The following TANC2 variants were observed in gnomAD, a reference collection of about 807,000 sequenced individuals.
TANC2 encodes protein TANC2.
In TANC2, 26 loss-of-function variants were observed where a neutral mutation model predicts 210.5. The ratio of observed to expected loss-of-function variants is 0.12; its 90% CI spans 0.09 to 0.17. TANC2 has a LOEUF of 0.17. TANC2 is among the 10% of genes least tolerant of loss of function. The pLI is 1.00. For synonymous variants in TANC2, 931 were observed against 967.1 expected (o/e 0.96, Z 0.69); for missense variants, 2,129 against 2,608.9 (o/e 0.82, Z 4.01).
intron 8 of TANC2, among the ~76,000 whole-genome samples, chr17:63,265,883 G>T (rs1178023282): frequency 6.6e-6 from 1 of 152,018 alleles, no homozygotes; most frequent in African/African-American, 2.4e-5. Flanking sequence ...CACATTACAG[G>T]TGTTTAATAA....
rs2042727255 is a variant in TANC2 at position 63,239,902 on chromosome 17, C to CA, written c.1033+1828dup. On this transcript the variant is annotated intron_variant, in intron 8 of 27. Transcript: ENST00000689528. ...AGGGGGAACAAGCACCTCACATGACCAAAGCAGGAGGAAGAGCAGGAGGAG... is the reference window on the plus strand; with the variant it reads ...AGGGGGAACAAGCACCTCACATGACCAAAAGCAGGAGGAAGAGCAGGAGGAG... Among the ~76,000 whole-genome samples the CA allele has an allele frequency of 2.6e-5, 4 of 152,016 alleles. No individual in the cohort carries two copies. The South Asian group carries it at 8.3e-4, about 32-fold the overall frequency.
At chr17:63,301,378 G>A (rs2044707311) in intron 9 of TANC2, among the ~76,000 whole-genome samples, 1 of 152,116 alleles carries the variant, frequency 6.6e-6, no homozygotes, top group South Asian at 2.1e-4. Context: ...TGTACCTCTG[G>A]TAGAATTCGG....
intron 2 of TANC2, among the ~76,000 whole-genome samples, chr17:63,042,636 G>C (rs552538277): frequency 6.6e-6 from 1 of 152,178 alleles, no homozygotes; most frequent in South Asian, 2.1e-4. Context: ...GAAAACAAAA[G>C]GCTTTACATT....
intron 2 of TANC2, among the ~76,000 whole-genome samples, chr17:63,070,366 T>C (rs1370987599): frequency 1.3e-5 from 2 of 152,174 alleles, no homozygotes; most frequent in Non-Finnish European, 2.9e-5. Context: ...TTGGGAATTT[T>C]ACATTTTACT....
At chr17:63,417,212 C>G (rs2048890969) in intron 26 of TANC2, among the ~76,000 whole-genome samples, 1 of 152,106 alleles carries the variant, frequency 6.6e-6, no homozygotes, top group Admixed American at 6.5e-5. Flanking sequence ...TAGAGGATTT[C>G]CCATCAACTT....
At chr17:63,084,463 A>C (rs751943786) in intron 3 of TANC2, among the ~76,000 whole-genome samples, 16 of 150,318 alleles carry the variant, frequency 1.1e-4, no homozygotes, top group Admixed American at 3.3e-4. Context: ...GGTTTTGTTG[A>C]TTTTTCTCTA....
At chr17:63,018,869 T>C (rs554465658) in intron 2 of TANC2, among the ~76,000 whole-genome samples, 1 of 152,336 alleles carries the variant, frequency 6.6e-6, no homozygotes, top group South Asian at 2.1e-4. Context: ...TCATCCAGGT[T>C]GTCGTGTATC....
Position 63,418,468 on chromosome 17 carries a change from AGCGTCG to A in TANC2, c.4268+64_4268+69del. 1 of 1,482,132 alleles carries A rather than the reference AGCGTCG, an allele frequency of 6.7e-7. No homozygotes were observed. Among genetic ancestry groups the A allele is most frequent in the Non-Finnish European group, 9.2e-7 (1 of 1,084,068 alleles). 91.8% of individuals were successfully genotyped at this position (1,482,132 alleles called of 1,614,324 possible). ...TCTTTTCTGAAAATTTGGCCAAGGC[AGCGTCG>A]GCCACCCTGGGGCATATGTACCCAA... On this transcript the variant is annotated intron_variant, in intron 27 of 27. Transcript: ENST00000689528. The surrounding 1 kb of genome is among the most constrained non-coding windows in gnomAD (Gnocchi z 4.6).
chr17:63,214,222 G>A (rs1432451687), intron 7 of TANC2, among the ~76,000 whole-genome samples: 1 of 152,150 alleles, frequency 6.6e-6, no homozygotes, highest in Non-Finnish European at 1.5e-5. Flanking sequence ...AGAAGTCCAG[G>A]GACAGAGGAG....
At chr17:63,062,553 C>T (rs1182000949) in intron 2 of TANC2, among the ~76,000 whole-genome samples, 1 of 152,116 alleles carries the variant, frequency 6.6e-6, no homozygotes, top group African/African-American at 2.4e-5. Context: ...CTTTCATTGT[C>T]AGCTGGTGTT....
At chr17:63,027,948 C>A (rs917636113) in intron 2 of TANC2, among the ~76,000 whole-genome samples, 1 of 151,854 alleles carries the variant, frequency 6.6e-6, no homozygotes, top group African/African-American at 2.4e-5. Flanking sequence ...TTTTTCTATT[C>A]TATTCTGGTT....
chr17:63,005,896 T>TGTG (rs377374431), intron 1 of TANC2, among the ~76,000 whole-genome samples: 24 of 132,780 alleles, frequency 1.8e-4, no homozygotes, highest in African/African-American at 6.5e-4. Flanking sequence ...GCTGTATAGT[T>TGTG]TGTGTGTGTG....
intron 14 of TANC2, among the ~76,000 whole-genome samples, chr17:63,364,979 G>T (rs571842814): frequency 2.0e-5 from 3 of 152,276 alleles, no homozygotes; most frequent in Non-Finnish European, 4.4e-5. Context: ...AAGTAGGGCA[G>T]GCGATTAAGG....
intron 2 of TANC2, among the ~76,000 whole-genome samples, chr17:63,036,139 T>G (rs576517130): frequency 6.6e-6 from 1 of 152,276 alleles, no homozygotes; most frequent in South Asian, 2.1e-4. Context: ...CTCTTAACAG[T>G]GTTTGATAAA....
intron 7 of TANC2, among the ~76,000 whole-genome samples, chr17:63,202,882 A>G (rs16946790): frequency 0.04 from 6,053 of 152,114 alleles, 185 homozygotes; most frequent in Non-Finnish European, 0.055. Context: ...TTGTGATTTT[A>G]ATTTATAAAG....
chr17:63,024,392 G>A (rs574877993), intron 2 of TANC2, among the ~76,000 whole-genome samples: 4 of 152,260 alleles, frequency 2.6e-5, no homozygotes, highest in Admixed American at 6.5e-5. Context: ...CATGACATTC[G>A]TAAACTGTCT....
intron 5 of TANC2, among the ~76,000 whole-genome samples, chr17:63,172,979 A>AG (rs1320794576): frequency 6.6e-6 from 1 of 152,182 alleles, no homozygotes; most frequent in East Asian, 1.9e-4. Context: ...CTTCCATGGA[A>AG]GGGAGGCTAC....
intron 1 of TANC2, among the ~76,000 whole-genome samples, chr17:62,998,154 A>C (rs764579071): frequency 6.0e-4 from 92 of 152,238 alleles, no homozygotes; most frequent in Non-Finnish European, 6.6e-4. Flanking sequence ...GAATCAACCA[A>C]GCTGAGGAAT....
At chr17:63,121,374 A>G (rs2038468899) in intron 4 of TANC2, among the ~76,000 whole-genome samples, 1 of 152,012 alleles carries the variant, frequency 6.6e-6, no homozygotes, top group South Asian at 2.1e-4. Context: ...TAGATAAAGC[A>G]TCTAGTATAG....
Sources: allele counts gnomAD v4.1 joint callset (sites outside exome capture counted in the v4.1 genomes callset), GRCh38; gene constraint gnomAD v4.1.1; non-coding constraint Gnocchi (gnomAD v3.1); transcripts MANE v1.5; gene names NCBI Gene and HGNC (gene_info 2026-07-23, HGNC 2026-07-21).